PTPRD: variants seen among roughly 807,000 people sequenced by gnomAD.
PTPRD encodes the protein protein tyrosine phosphatase receptor type D, also known as receptor-type tyrosine-protein phosphatase delta.
In PTPRD, 34 loss-of-function variants were observed where a neutral mutation model predicts 214.5. The observed-to-expected ratio is 0.16, with a 90% CI of 0.12 to 0.21. The LOEUF is 0.21. PTPRD is among the 10% of genes least tolerant of loss of function. PTPRD has a pLI of 1.00. For synonymous variants in PTPRD, 1,128 were observed against 845.7 expected, an observed-to-expected ratio of 1.33 and a Z score of -5.79; for missense variants, 2,545 against 2,398.7, an observed-to-expected ratio of 1.06 and a Z score of -1.27.
At chr9:10,298,970 C>T (rs10809063) in intron 3 of PTPRD, among the ~76,000 whole-genome samples, 17,647 of 151,800 alleles carry the variant, frequency 0.12, 1,118 homozygotes, top group African/African-American at 0.15. Context: ...TTTCTTCATC[C>T]GTAAACTAAG....
At chr9:9,949,397 T>C (rs374757318) in intron 4 of PTPRD, among the ~76,000 whole-genome samples, 2 of 152,134 alleles carry the variant, frequency 1.3e-5, no homozygotes, top group African/African-American at 2.4e-5. Context: ...TCTATGATGT[T>C]TTTTATTTTT....
At chr9:10,331,440 AC>A (rs973284737) in intron 3 of PTPRD, among the ~76,000 whole-genome samples, 1 of 151,834 alleles carries the variant, frequency 6.6e-6, no homozygotes, top group Non-Finnish European at 1.5e-5. Flanking sequence ...GCAGAGGCAA[AC>A]CATTTCCCCA....
chr9:9,436,796 C>G (rs139830502), intron 8 of PTPRD, among the ~76,000 whole-genome samples: 1 of 152,080 alleles, frequency 6.6e-6, no homozygotes, highest in African/African-American at 2.4e-5. Flanking sequence ...TCAAGCAAAT[C>G]TGTACCGCAG....
At chr9:9,491,248 T>C (rs2095880916) in intron 8 of PTPRD, among the ~76,000 whole-genome samples, 1 of 151,822 alleles carries the variant, frequency 6.6e-6, no homozygotes, top group Non-Finnish European at 1.5e-5. Flanking sequence ...AGCACTAATA[T>C]ATAGCAATGA....
chr9:10,019,671 G>A (rs959353446), intron 4 of PTPRD, among the ~76,000 whole-genome samples: 15 of 151,710 alleles, frequency 9.9e-5, no homozygotes, highest in Non-Finnish European at 1.5e-4. Context: ...GCAAACTATC[G>A]CAAGGACAAA....
intron 10 of PTPRD, among the ~76,000 whole-genome samples, chr9:9,025,547 C>A (rs2099584134): frequency 6.6e-6 from 1 of 152,018 alleles, no homozygotes; most frequent in African/African-American, 2.4e-5. Flanking sequence ...CTAATATTCA[C>A]TAGTGGTTAG....
chr9:8,401,428 G>C (rs1383138655), intron 36 of PTPRD, among the ~76,000 whole-genome samples: 1 of 152,108 alleles, frequency 6.6e-6, no homozygotes, highest in Non-Finnish European at 1.5e-5. Context: ...CTTAAACATA[G>C]AGGGGATGCC....
At chr9:9,463,135 G>A (rs1569568542) in intron 8 of PTPRD, among the ~76,000 whole-genome samples, 1 of 151,998 alleles carries the variant, frequency 6.6e-6, no homozygotes, top group Non-Finnish European at 1.5e-5. Flanking sequence ...CACAGGTCCT[G>A]GTATTAATTC....
chr9:8,968,064 T>A (rs1050615334), intron 11 of PTPRD, among the ~76,000 whole-genome samples: 3 of 152,088 alleles, frequency 2.0e-5, no homozygotes, highest in African/African-American at 7.2e-5. Context: ...TTCATCCATG[T>A]CCCTACAAAG....
intron 2 of PTPRD, among the ~76,000 whole-genome samples, chr9:10,602,506 C>A (rs1178686168): frequency 6.6e-6 from 1 of 151,840 alleles, no homozygotes; most frequent in Non-Finnish European, 1.5e-5. Context: ...TATGTTGTAA[C>A]TCTGTGTCAG....
intron 39 of PTPRD, among the ~76,000 whole-genome samples, chr9:8,357,329 T>G (rs2077215280): frequency 6.6e-6 from 1 of 152,208 alleles, no homozygotes; most frequent in Non-Finnish European, 1.5e-5. Flanking sequence ...ATGCCTCATT[T>G]TAGCAGCTCA....
At chr9:9,039,225 G>T (rs1459843453) in intron 10 of PTPRD, among the ~76,000 whole-genome samples, 4 of 152,164 alleles carry the variant, frequency 2.6e-5, no homozygotes, top group Admixed American at 2.6e-4. Flanking sequence ...TTTATGAAGA[G>T]AACTTGTCAA....
At chr9:9,308,873 G>C (rs1013652617) in intron 9 of PTPRD, among the ~76,000 whole-genome samples, 12 of 152,006 alleles carry the variant, frequency 7.9e-5, no homozygotes, top group Non-Finnish European at 1.6e-4. Context: ...ATAAGCATTA[G>C]AGACCCAAAA....
chr9:10,427,373 T>G (rs894387065), intron 2 of PTPRD, among the ~76,000 whole-genome samples: 3 of 152,094 alleles, frequency 2.0e-5, no homozygotes, highest in Non-Finnish European at 4.4e-5. Flanking sequence ...TTATAATTCC[T>G]TTTAGAAACT....
chr9:8,344,150 T>A (rs1855244658), intron 39 of PTPRD, among the ~76,000 whole-genome samples: 1 of 152,070 alleles, frequency 6.6e-6, no homozygotes, highest in South Asian at 2.1e-4. Context: ...AGTAACATCT[T>A]TCGTTCTTTC....
At chr9:10,585,258 AT>A (rs142368835) in intron 2 of PTPRD, among the ~76,000 whole-genome samples, 2,299 of 152,032 alleles carry the variant, frequency 0.015, 56 homozygotes, top group African/African-American at 0.051. Flanking sequence ...GTAATAACTT[AT>A]TTTTTGTGCT....
At chr9:8,386,134 A>G (rs967686097) in intron 37 of PTPRD, among the ~76,000 whole-genome samples, 2 of 152,214 alleles carry the variant, frequency 1.3e-5, no homozygotes, top group African/African-American at 4.8e-5. Context: ...ACCCTTCCGC[A>G]TAATCCAAAA....
At chr9:9,981,954 AG>A (rs2095557108) in intron 4 of PTPRD, among the ~76,000 whole-genome samples, 1 of 152,146 alleles carries the variant, frequency 6.6e-6, no homozygotes, top group African/African-American at 2.4e-5. Flanking sequence ...ACATTACCAC[AG>A]GGCATGACAC....
At chr9:10,010,395 C>T (rs1227087961) in intron 4 of PTPRD, among the ~76,000 whole-genome samples, 1 of 150,674 alleles carries the variant, frequency 6.6e-6, no homozygotes, top group African/African-American at 2.4e-5. Flanking sequence ...GTAATGTCTG[C>T]TTGTGTTGAT....
Sources: gnomAD v4.1 joint callset for allele counts (sites outside exome capture counted in the v4.1 genomes callset) on GRCh38, gnomAD v4.1.1 for gene constraint, MANE v1.5 for transcripts, NCBI Gene and HGNC (gene_info 2026-07-23, HGNC 2026-07-21) for gene names.